Variants in PRMT3 observed in about 807,000 individuals in gnomAD.
PRMT3 encodes the protein protein arginine N-methyltransferase 3.
In PRMT3, 62 loss-of-function variants were observed where a neutral mutation model predicts 71.9. That is an observed-to-expected ratio of 0.86 (90% confidence interval 0.70 to 1.07). The LOEUF (loss-of-function observed/expected upper bound fraction) is 1.07, where lower values mean the gene tolerates loss of function less well. PRMT3 is among the 50% of genes least tolerant of loss of function. PRMT3 has a pLI of 0.00. For synonymous variants in PRMT3, 213 were observed against 220.4 expected (o/e 0.97, Z 0.30); for missense variants, 663 against 643.0 (o/e 1.03, Z -0.34).
intron 10 of PRMT3, among the ~76,000 whole-genome samples, chr11:20,434,451 G>C (rs1001364737): frequency 6.6e-6 from 1 of 152,102 alleles, no homozygotes; most frequent in Non-Finnish European, 1.5e-5. Context: ...ATCTTTGCCT[G>C]TTCCTATGTC....
chr11:20,487,645 G>A (rs1384231434), intron 13 of PRMT3, among the ~76,000 whole-genome samples: 3 of 152,134 alleles, frequency 2.0e-5, no homozygotes, highest in Non-Finnish European at 4.4e-5. Context: ...GTACACTTAT[G>A]TGCACTTTTC....
chr11:20,468,853 A>G (rs1850575943), intron 13 of PRMT3, among the ~76,000 whole-genome samples: 2 of 151,980 alleles, frequency 1.3e-5, no homozygotes, highest in South Asian at 4.1e-4. Flanking sequence ...TTTCATGAAA[A>G]ACATTATCTT....
intron 5 of PRMT3, 112 bp downstream of exon 5, chr11:20,393,111 C>G: frequency 1.4e-6 from 1 of 696,506 alleles, no homozygotes; most frequent in Non-Finnish European, 2.5e-6. Context: ...TATCTAAATG[C>G]TTCATCAGGT....
intron 10 of PRMT3, among the ~76,000 whole-genome samples, chr11:20,430,574 T>C (rs1431701100): frequency 1.1e-4 from 17 of 152,168 alleles, no homozygotes; most frequent in Admixed American, 1.1e-3. Flanking sequence ...TATATTTTCA[T>C]TTTTGTTTTT....
chr11:20,475,052 T>C (rs983465029), intron 13 of PRMT3, among the ~76,000 whole-genome samples: 3 of 152,194 alleles, frequency 2.0e-5, no homozygotes, highest in Non-Finnish European at 4.4e-5. Context: ...GGCTGCAAGC[T>C]GGGACATGCC....
At chr11:20,424,067 C>T (rs1327631922) in intron 9 of PRMT3, among the ~76,000 whole-genome samples, 5 of 151,072 alleles carry the variant, frequency 3.3e-5, no homozygotes, top group Non-Finnish European at 7.4e-5. Context: ...GCCTGTAGTC[C>T]CAGCTACTCG....
intron 13 of PRMT3, among the ~76,000 whole-genome samples, chr11:20,466,444 C>T (rs1850514219): frequency 6.6e-6 from 1 of 152,298 alleles, no homozygotes; most frequent in East Asian, 1.9e-4. Context: ...CATCCTGGTT[C>T]CTGGTCCTCT....
At chr11:20,470,712 GTATCTT>G (rs1850622846) in intron 13 of PRMT3, among the ~76,000 whole-genome samples, 1 of 152,150 alleles carries the variant, frequency 6.6e-6, no homozygotes, top group Non-Finnish European at 1.5e-5. Flanking sequence ...ACATGTGCAT[GTATCTT>G]TATAATTGAA....
At chr11:20,399,805 T>A (rs1342615430) in intron 7 of PRMT3, among the ~76,000 whole-genome samples, 1 of 152,206 alleles carries the variant, frequency 6.6e-6, no homozygotes, top group East Asian at 1.9e-4. Flanking sequence ...ACACCTGCTC[T>A]GGTACGTTTA....
Position 20,487,874 on chromosome 11 carries a change from C to T in PRMT3, c.1348-6045C>T, listed in dbSNP as rs550948243. 2.6e-5 allele frequency among the ~76,000 whole-genome samples: 4 copies of T among 152,058 alleles called. No homozygotes were observed. In the East Asian group the frequency reaches 7.7e-4, roughly 29 times the overall value. On this transcript the variant is annotated intron_variant, in intron 13 of 15. Transcript: ENST00000331079. ...ATTTTGAAATTACAAGGAAGCAATC[C>T]CAAATAAATTTAAAAGGAGTTTCAG... is the stretch of plus-strand genomic sequence containing the variant.
At chr11:20,456,517 TGA>T (rs1850270356) in intron 11 of PRMT3, among the ~76,000 whole-genome samples, 1 of 152,214 alleles carries the variant, frequency 6.6e-6, no homozygotes, top group Admixed American at 6.5e-5. Context: ...CATATTCATG[TGA>T]GTCTATTTTT....
chr11:20,404,064 C>T (rs1286519599), intron 8 of PRMT3, among the ~76,000 whole-genome samples: 1 of 151,764 alleles, frequency 6.6e-6, no homozygotes, highest in East Asian at 1.9e-4. Flanking sequence ...CAAAGCATTG[C>T]ACCTCGTGAA....
intron 7 of PRMT3, among the ~76,000 whole-genome samples, chr11:20,399,658 G>T (rs969487024): frequency 2.0e-5 from 3 of 152,070 alleles, no homozygotes; most frequent in African/African-American, 7.2e-5. Flanking sequence ...GGGCTTTTCA[G>T]ACAGATTAAA....
chr11:20,502,783 C>A (rs1331932527), intron 15 of PRMT3, among the ~76,000 whole-genome samples: 1 of 152,030 alleles, frequency 6.6e-6, no homozygotes, highest in Non-Finnish European at 1.5e-5. Flanking sequence ...AGAGCAGCAA[C>A]CATCAGAACA....
At chr11:20,443,582 G>A (rs1342375153) in intron 10 of PRMT3, among the ~76,000 whole-genome samples, 1 of 152,190 alleles carries the variant, frequency 6.6e-6, no homozygotes, top group African/African-American at 2.4e-5. Context: ...CGTTGAGAGT[G>A]GAATATCCAG....
chr11:20,432,692 A>G (rs954687284), intron 10 of PRMT3, among the ~76,000 whole-genome samples: 1 of 152,138 alleles, frequency 6.6e-6, no homozygotes, highest in Non-Finnish European at 1.5e-5. Context: ...GTGTATAAGA[A>G]TTCTCCTTCT....
rs1051252273 is a variant in PRMT3 at position 20,462,008 on chromosome 11, T to C, written c.1101T>C (p.Leu367=). ...SVYPDICTIS[L]VAVSDVNKHA... is the part of the protein sequence containing the mutation. The stretch of plus-strand genomic sequence containing the variant: ...ACCCTGACATTTGCACTATCAGCCT[T>C]GTAGCAGTGAGTGATGTGAATAAAC... The change falls in exon 12 of 16, where the codon CTT becomes CTC. Residue 367 remains leucine, a synonymous_variant. Coordinates refer to ENST00000331079, the MANE Select transcript of PRMT3 (RefSeq NM_005788.4). 1 of 1,607,790 alleles carries C rather than the reference T, an allele frequency of 6.2e-7. No homozygotes were observed. Among genetic ancestry groups the C allele is most frequent in the Non-Finnish European group, 8.5e-7 (1 of 1,175,868 alleles).
chr11:20,486,609 A>G (rs577191863), intron 13 of PRMT3, among the ~76,000 whole-genome samples: 38 of 152,274 alleles, frequency 2.5e-4, no homozygotes, highest in Non-Finnish European at 5.0e-4. Flanking sequence ...CAGGTGCACA[A>G]GGAACAATGG....
intron 15 of PRMT3, among the ~76,000 whole-genome samples, chr11:20,496,644 A>T (rs1268983781): frequency 2.6e-5 from 4 of 151,448 alleles, no homozygotes; most frequent in African/African-American, 9.7e-5. Flanking sequence ...GGTCAATGTC[A>T]TATAAAAGAC....
Sources: allele counts gnomAD v4.1 joint callset (sites outside exome capture counted in the v4.1 genomes callset), GRCh38; gene constraint gnomAD v4.1.1; transcripts MANE v1.5; gene names NCBI Gene and HGNC (gene_info 2026-07-23, HGNC 2026-07-21).